Variants in WASHC5 observed in about 807,000 individuals in gnomAD.
The protein encoded by WASHC5 is WASH complex subunit strumpellin.
In WASHC5, 101 loss-of-function variants were observed where a neutral mutation model predicts 150.4. The observed-to-expected ratio is 0.67, with a 90% CI of 0.57 to 0.79. The LOEUF (loss-of-function observed/expected upper bound fraction) is 0.79. Ranked by LOEUF, WASHC5 falls within the 30% of genes least tolerant of loss-of-function variation. The pLI is 0.00. For missense variants in WASHC5, 1,195 were observed against 1,396.3 expected, an observed-to-expected ratio of 0.86 and a Z score of 2.30; for synonymous variants, 467 against 491.2, an observed-to-expected ratio of 0.95 and a Z score of 0.65.
intron 23 of WASHC5, 34 bp downstream of exon 23, chr8:125,043,791 G>C (rs754516390): frequency 7.0e-7 from 1 of 1,421,940 alleles, no homozygotes; most frequent in Non-Finnish European, 9.9e-7. Context: ...AAAAATGTAA[G>C]TATTGACTGT....
chr8:125,038,781 A>G, intron 25 of WASHC5, 49 bp downstream of exon 25: 1 of 1,609,860 alleles, frequency 6.2e-7, no homozygotes, highest in Non-Finnish European at 8.5e-7. Flanking sequence ...CCTGGGCCAA[A>G]TACCATTCTG....
At chr8:125,058,813 G>A (rs1307178407) in intron 14 of WASHC5, among the ~76,000 whole-genome samples, 1 of 152,084 alleles carries the variant, frequency 6.6e-6, no homozygotes, top group African/African-American at 2.4e-5. Flanking sequence ...GACTGTGCCT[G>A]TTGTTCACCA....
rs761122163 is a variant in WASHC5 at position 125,082,460 on chromosome 8, C to G, written c.340G>C (p.Asp114His). ...KYIVDLNRYL[D>H]DLNEGVYIQQ... Reference sequence around the variant, plus strand: ...ATATAAACCCCTTCATTGAGATCATCTAGATATCTAGAAATAAAACCACAG... The same window carrying G: ...ATATAAACCCCTTCATTGAGATCATGTAGATATCTAGAAATAAAACCACAG... The change falls in exon 4 of 29, where the codon GAT becomes CAT. Residue 114 changes from aspartate (D) to histidine (H), a missense_variant. By Grantham distance (81) the Asp-to-His change is moderately conservative. Around this residue, in one of 3 missense-constraint regions of WASHC5, gnomAD observed 195 missense variants for 206.9 expected, o/e 0.94. Transcript: ENST00000318410. The G allele has an allele frequency of 2.0e-6, 3 of 1,530,720 alleles. No individual in the cohort carries two copies. Among genetic ancestry groups the G allele is most frequent in the Non-Finnish European group, 9.0e-7 (1 of 1,105,034 alleles). 94.8% of individuals were successfully genotyped at this position (1,530,720 alleles called of 1,614,324 possible).
chr8:125,091,541 T>A (rs1817644207), intron 1 of WASHC5, 74 bp downstream of exon 1: 2 of 152,400 alleles, frequency 1.3e-5, no homozygotes. Context: ...GACCTCCCCG[T>A]GGCCAGCGCG....
intron 7 of WASHC5, among the ~76,000 whole-genome samples, 199 bp downstream of exon 7, chr8:125,076,149 T>C (rs543856079): frequency 2.6e-5 from 4 of 152,318 alleles, no homozygotes; most frequent in Admixed American, 1.3e-4. Flanking sequence ...GACTAGTGGG[T>C]TCTTCAGGAA....
At chr8:125,027,055 T>C (rs914888050) in intron 28 of WASHC5, among the ~76,000 whole-genome samples, 3 of 152,230 alleles carry the variant, frequency 2.0e-5, no homozygotes, top group Non-Finnish European at 4.4e-5. Flanking sequence ...TGTTCTTTCA[T>C]ATTTCTTATA....
At chr8:125,047,518 A>T (rs1213126250) in intron 19 of WASHC5, among the ~76,000 whole-genome samples, 187 bp from the exon 20 acceptor site, 1 of 150,120 alleles carries the variant, frequency 6.7e-6, no homozygotes, top group Non-Finnish European at 1.5e-5. Context: ...GCTCACTGCA[A>T]CCTCCACCAC....
intron 14 of WASHC5, among the ~76,000 whole-genome samples, chr8:125,058,915 T>C (rs1235290265): frequency 6.6e-6 from 1 of 152,126 alleles, no homozygotes; most frequent in African/African-American, 2.4e-5. Flanking sequence ...AATTCATGCC[T>C]AGGGAATAAA....
At chr8:125,043,686 G>A (rs1815962185) in intron 23 of WASHC5, 139 bp downstream of exon 23, 2 of 681,648 alleles carry the variant, frequency 2.9e-6, no homozygotes, top group South Asian at 3.5e-5. Context: ...ATTTTAAAAT[G>A]ATAAACTGAA....
chr8:125,037,817 C>T (rs1008135707), intron 25 of WASHC5, among the ~76,000 whole-genome samples: 4 of 152,140 alleles, frequency 2.6e-5, no homozygotes, highest in African/African-American at 9.7e-5. Flanking sequence ...GAGCAAAGTT[C>T]TTCTTGTCAT....
intron 27 of WASHC5, among the ~76,000 whole-genome samples, chr8:125,029,223 G>C (rs1365248937): frequency 6.6e-6 from 1 of 152,140 alleles, no homozygotes; most frequent in Admixed American, 6.5e-5. Context: ...AGTAGAGACG[G>C]GGTTTCACCA....
chr8:125,070,036 T>C (rs1408184827), intron 9 of WASHC5, among the ~76,000 whole-genome samples: 2 of 152,208 alleles, frequency 1.3e-5, no homozygotes, highest in African/African-American at 4.8e-5. Flanking sequence ...TGACCATCTC[T>C]CTCAGATCTG....
At chr8:125,040,194 T>A (rs1428068253) in intron 23 of WASHC5, among the ~76,000 whole-genome samples, 1 of 152,200 alleles carries the variant, frequency 6.6e-6, no homozygotes, top group Non-Finnish European at 1.5e-5. Context: ...ATCAAAGATG[T>A]CTTTTTTGAA....
rs780904968 is a variant in WASHC5, at chr8:125,059,316, C to T, written c.1689-19G>A. 45 of 1,613,346 alleles carry T rather than the reference C, an allele frequency of 2.8e-5. No individual in the cohort carries two copies. In the East Asian group the frequency reaches 5.8e-4, roughly 21 times the overall value. ...TGTGAAACTGTAAAAAGAAAAGAAACGGTAAGAAGATGTTCCTAGGGCCTT... is the reference window on the plus strand; with the variant it reads ...TGTGAAACTGTAAAAAGAAAAGAAATGGTAAGAAGATGTTCCTAGGGCCTT... On this transcript the variant is annotated intron_variant, in intron 13 of 28. Transcript: ENST00000318410.
intron 24 of WASHC5, 81 bp downstream of exon 24, chr8:125,039,714 A>T: frequency 1.1e-6 from 1 of 935,652 alleles, no homozygotes; most frequent in Non-Finnish European, 1.8e-6. Flanking sequence ...AACTTAAAAG[A>T]GTAAGAACTG....
chr8:125,076,495 T>C lies in WASHC5; in HGVS notation c.717A>G (p.Ser239=). The change falls in exon 7 of 29, where the codon TCA becomes TCG. Residue 239 remains serine, a synonymous_variant. Coordinates refer to ENST00000318410, the MANE Select transcript of WASHC5 (RefSeq NM_014846.4). The part of the protein sequence containing the change: ...LRSDDIYNQV[S]AYPLPEHRST... ...TGCGATGCTCCGGCAAAGGATACGC[T>C]GAGACCTGCAATGTCAAGACGACAC... is the stretch of plus-strand genomic sequence containing the variant. 1.2e-6 allele frequency: 2 copies of C among 1,613,914 alleles called. No individual in the cohort carries two copies. Among genetic ancestry groups the C allele is most frequent in the Non-Finnish European group, 1.7e-6 (2 of 1,179,946 alleles).
In WASHC5 at chr8:125,083,754, G is replaced by C; in HGVS notation, c.145C>G (p.Gln49Glu). The change falls in exon 2 of 29, where the codon CAG becomes GAG. Residue 49 changes from glutamine (Q) to glutamate (E), a missense_variant. Physicochemically the swap from Gln to Glu is conservative, Grantham distance 29. This residue lies in a region of WASHC5 where 195 missense variants were observed against 206.9 expected (regional missense o/e 0.94). Transcript: ENST00000318410. ...TCAAATATGATATCTCCATATTTCT[G>C]TTGATCAGCTCTGTCTTTTAACCTG... is the stretch of plus-strand genomic sequence containing the variant. ...VFRLKDRADQ[Q>E]KYGDIIFDFS... 1 of 1,613,604 alleles carries C rather than the reference G, an allele frequency of 6.2e-7. No individual in the cohort carries two copies. Among genetic ancestry groups the C allele is most frequent in the East Asian group, 2.2e-5 (1 of 44,876 alleles).
At chr8:125,029,938 A>G (rs1586330820) in intron 27 of WASHC5, among the ~76,000 whole-genome samples, 1 of 152,210 alleles carries the variant, frequency 6.6e-6, no homozygotes, top group African/African-American at 2.4e-5. Flanking sequence ...GACCAGGGCT[A>G]TATTTGCTCT....
At position 125,076,751 on chromosome 8, in the gene WASHC5, A is replaced by AAAAAAAAAAAAAAG. The variant is rs1303872605; in HGVS notation, c.712-252_712-251insCTTTTTTTTTTTTT. On this transcript the variant is annotated intron_variant, in intron 6 of 28. Transcript: ENST00000318410. The stretch of plus-strand genomic sequence containing the variant: ...CAATTCTAAGTCTTTTCTTAAAAAA[A>AAAAAAAAAAAAAAG]AAAAAAAAAAGTCCCATTCCTGTGT... Among the ~76,000 whole-genome samples, 768 of 151,438 alleles carry AAAAAAAAAAAAAAG rather than the reference A, an allele frequency of 5.1e-3. 13 individuals are homozygous for AAAAAAAAAAAAAAG. The highest frequency in any genetic ancestry group is 0.018 in the African/African-American group (720 of 40,908).
Sources: allele counts gnomAD v4.1 joint callset (sites outside exome capture counted in the v4.1 genomes callset), GRCh38; gene constraint gnomAD v4.1.1; regional missense constraint gnomAD v4.1.1; transcripts MANE v1.5; gene names NCBI Gene and HGNC (gene_info 2026-07-23, HGNC 2026-07-21).